Variants in C2orf80 observed in about 807,000 individuals in gnomAD.
C2orf80 encodes the protein uncharacterized protein C2orf80.
C2orf80 carries 28 observed loss-of-function variants against 30.2 expected under a neutral mutation model. The observed-to-expected ratio is 0.93, with a 90% CI of 0.69 to 1.27. C2orf80 has a LOEUF of 1.27. Ranked by LOEUF, C2orf80 falls within the 50% of genes most tolerant of loss-of-function variation. The pLI, the probability that C2orf80 is intolerant of heterozygous loss-of-function variation, is 0.00. For synonymous variants in C2orf80, 80 were observed against 76.4 expected, an observed-to-expected ratio of 1.05 and a Z score of -0.24; for missense variants, 220 against 231.0, an observed-to-expected ratio of 0.95 and a Z score of 0.31.
intron 1 of C2orf80, among the ~76,000 whole-genome samples, chr2:208,188,402 C>T (rs569926666): frequency 1.3e-5 from 2 of 151,762 alleles, no homozygotes; most frequent in East Asian, 1.9e-4. Flanking sequence ...AACAGGATGG[C>T]GCTGATCTAA....
At chr2:208,183,090 A>G (rs565300290) in intron 3 of C2orf80, 43 bp from the exon 4 acceptor site, 44 of 1,544,978 alleles carry the variant, frequency 2.8e-5, no homozygotes, top group Non-Finnish European at 3.9e-5. Context: ...AGGCTTAGAC[A>G]TTGGCCGAAG....
intron 7 of C2orf80, among the ~76,000 whole-genome samples, chr2:208,171,495 A>G (rs1313096612): frequency 1.3e-5 from 2 of 152,026 alleles, no homozygotes; most frequent in Non-Finnish European, 2.9e-5. Flanking sequence ...TAATTTTTGT[A>G]TTTTTAGTAG....
intron 8 of C2orf80, among the ~76,000 whole-genome samples, chr2:208,166,733 C>T (rs1259091124): frequency 2.0e-5 from 3 of 152,018 alleles, no homozygotes; most frequent in Non-Finnish European, 4.4e-5. Flanking sequence ...CGGCTCACTG[C>T]AAGCTCCGCC....
chr2:208,170,465 C>A (rs570255750), intron 8 of C2orf80, among the ~76,000 whole-genome samples: 2 of 152,032 alleles, frequency 1.3e-5, no homozygotes, highest in Non-Finnish European at 2.9e-5. Context: ...GCAGGGGAGA[C>A]TTTAAGCAGG....
intron 8 of C2orf80, among the ~76,000 whole-genome samples, chr2:208,168,926 T>C (rs1007381209): frequency 5.3e-5 from 8 of 151,092 alleles, no homozygotes; most frequent in African/African-American, 1.7e-4. Flanking sequence ...GCACAGAGAT[T>C]TGAGAACCGT....
chr2:208,168,364 G>C (rs1197277498), intron 8 of C2orf80: 2 of 335,226 alleles, frequency 6.0e-6, no homozygotes, highest in Admixed American at 8.6e-5. Flanking sequence ...TTTAAAACTA[G>C]TTTAAAAGAT....
chr2:208,187,945 T>C (rs2105916218), intron 1 of C2orf80, among the ~76,000 whole-genome samples: 1 of 152,262 alleles, frequency 6.6e-6, no homozygotes, highest in East Asian at 1.9e-4. Flanking sequence ...AGCCTTTGGA[T>C]TCAAACTGCA....
At chr2:208,171,714 G>T (rs1459168039) in intron 7 of C2orf80, among the ~76,000 whole-genome samples, 4 of 103,668 alleles carry the variant, frequency 3.9e-5, no homozygotes, top group Admixed American at 1.2e-4. Flanking sequence ...CTCCCAAAGT[G>T]CTGGGATTAC....
In C2orf80 at chr2:208,178,079, A is replaced by C. The variant is rs184259197; in HGVS notation, c.366+2666T>G. Among the ~76,000 whole-genome samples the C allele has an allele frequency of 2.2e-4, 34 of 152,138 alleles. No individual in the cohort carries two copies. The East Asian group carries it at 6.0e-3, about 27-fold the overall frequency. The stretch of plus-strand genomic sequence containing the variant: ...GTGATCCACCCACCTCTGCCTCCTA[A>C]GGTGCTGGTATTACAGGCATGAGCT... On this transcript the variant is annotated intron_variant, in intron 6 of 8. Coordinates refer to ENST00000341287, the MANE Select transcript of C2orf80 (RefSeq NM_001099334.3).
intron 8 of C2orf80, among the ~76,000 whole-genome samples, chr2:208,166,356 A>G (rs1028155992): frequency 6.6e-6 from 1 of 152,242 alleles, no homozygotes; most frequent in African/African-American, 2.4e-5. Flanking sequence ...GTGACTGTAT[A>G]AAAGGAATAC....
intron 2 of C2orf80, 63 bp from the exon 3 acceptor site, chr2:208,185,095 G>GA: frequency 7.7e-7 from 1 of 1,299,438 alleles, no homozygotes; most frequent in Non-Finnish European, 1.1e-6. Context: ...GCAGAAAAAG[G>GA]CTTTTTTTTT....
chr2:208,186,910 G>A (rs1176730912), intron 2 of C2orf80, 36 bp downstream of exon 2: 1 of 1,579,784 alleles, frequency 6.3e-7, no homozygotes, highest in Non-Finnish European at 8.7e-7. Context: ...CGAATGCCAA[G>A]TGTCATAAAT....
At chr2:208,188,448 ATTTT>A (rs1177780286) in intron 1 of C2orf80, among the ~76,000 whole-genome samples, 1 of 140,174 alleles carries the variant, frequency 7.1e-6, no homozygotes, top group Non-Finnish European at 1.6e-5. Flanking sequence ...ATTATTTTGG[ATTTT>A]TTTTTTTTTT....
chr2:208,170,982 G>C lies in C2orf80; in HGVS notation c.536C>G (p.Ser179Ter). 6.2e-7 allele frequency: 1 copy of C among 1,614,104 alleles called. No homozygotes were observed. ...CTGTGTGTCTGAAAACCTTTGTGAT[G>C]ATTTCCATTCTGTGGCATTTGCTTC... The part of the protein sequence containing the change: ...AKEANATEWK[S>*]SQRFSDTQPK... The change falls in exon 8 of 9, where the codon TCA (serine) becomes TGA (stop). Residue 179 changes from serine (S) to a stop codon, truncating the protein, a stop_gained. Transcript: ENST00000341287. LOFTEE classifies it low-confidence loss of function (END_TRUNC).
intron 4 of C2orf80, among the ~76,000 whole-genome samples, chr2:208,181,806 A>T (rs1696571725): frequency 6.6e-6 from 1 of 151,424 alleles, no homozygotes; most frequent in Non-Finnish European, 1.5e-5. Flanking sequence ...TTGGGTGATT[A>T]AAAAAAAATA....
chr2:208,176,852 C>CTA (rs1406192582), intron 6 of C2orf80, among the ~76,000 whole-genome samples: 1 of 55,080 alleles, frequency 1.8e-5, no homozygotes, highest in African/African-American at 6.4e-5. Context: ...GATAATATAT[C>CTA]TATATATATA....
chr2:208,180,410 A>G (rs533876001), intron 6 of C2orf80, among the ~76,000 whole-genome samples: 2 of 151,806 alleles, frequency 1.3e-5, no homozygotes, highest in East Asian at 3.9e-4. Context: ...AGATCGCACC[A>G]CTATACTCCA....
rs10658929 is a variant in C2orf80 at position 208,169,269 on chromosome 2, TTG to T, written c.573+1674_573+1675del. Among the ~76,000 whole-genome samples, 65 of 138,080 alleles carry T rather than the reference TTG, an allele frequency of 4.7e-4. 1 individual carries two copies. Among genetic ancestry groups the T allele is most frequent in the Middle Eastern group, 3.6e-3 (1 of 276 alleles). 90.6% of individuals were successfully genotyped at this position (138,080 alleles called of 152,430 possible). A position where few individuals can be genotyped will look rare whatever the true frequency, so the allele number is the denominator to read the frequency against. ...TGTGTGATTAAGTTTAAAGTCTAGA[TTG>T]TGTGTGTGTGTGTGTGTGTGTGTGA... On this transcript the variant is annotated intron_variant, in intron 8 of 8. Coordinates refer to ENST00000341287, the MANE Select transcript of C2orf80 (RefSeq NM_001099334.3).
At chr2:208,166,113 T>C (rs1559334784) in intron 8 of C2orf80, among the ~76,000 whole-genome samples, 1 of 152,036 alleles carries the variant, frequency 6.6e-6, no homozygotes, top group Non-Finnish European at 1.5e-5. Context: ...GTATAGAGAG[T>C]ACATTAAATA....
Sources: gnomAD v4.1 joint callset for allele counts (sites outside exome capture counted in the v4.1 genomes callset) on GRCh38, gnomAD v4.1.1 for gene constraint, MANE v1.5 for transcripts, NCBI Gene and HGNC (gene_info 2026-07-23, HGNC 2026-07-21) for gene names.